Variants in NEK11 observed in about 807,000 individuals in gnomAD.
NEK11 encodes the protein serine/threonine-protein kinase Nek11.
NEK11 carries 72 observed loss-of-function variants against 80.7 expected under a neutral mutation model. The observed-to-expected ratio is 0.89, with a 90% CI of 0.74 to 1.08. NEK11 has a LOEUF of 1.08. NEK11 is among the 50% of genes least tolerant of loss of function. The probability of loss-of-function intolerance (pLI) is 0.00; values close to 1 mark genes in which losing one functional copy is unlikely to be tolerated. For missense variants in NEK11, 764 were observed against 763.6 expected, an observed-to-expected ratio of 1.00 and a Z score of -0.01; for synonymous variants, 251 against 260.7, an observed-to-expected ratio of 0.96 and a Z score of 0.36.
chr3:131,202,510 T>G (rs1201581899), intron 14 of NEK11, among the ~76,000 whole-genome samples: 3 of 152,076 alleles, frequency 2.0e-5, no homozygotes, highest in South Asian at 2.1e-4. Flanking sequence ...AAGATCAAAC[T>G]GCGAGGTGGC....
intron 5 of NEK11, among the ~76,000 whole-genome samples, chr3:131,117,329 G>T (rs1456349830): frequency 6.6e-6 from 1 of 152,150 alleles, no homozygotes. Context: ...TGTCCCATTG[G>T]TCTATATCTC....
At chr3:131,345,209 A>G (rs1456001509) in intron 17 of NEK11, among the ~76,000 whole-genome samples, 2 of 152,196 alleles carry the variant, frequency 1.3e-5, no homozygotes, top group African/African-American at 2.4e-5. Context: ...ATGTAAAACT[A>G]AAAAGATTCT....
Position 131,170,734 on chromosome 3 carries a change from C to A in NEK11, c.1285-39C>A, listed in dbSNP as rs1480644469. ...TCATTTGTGGTAGTGCTGTTTCCTTCTATCAGCATCTCATGAATTGTTAAT... is the reference window on the plus strand; with the variant it reads ...TCATTTGTGGTAGTGCTGTTTCCTTATATCAGCATCTCATGAATTGTTAAT... On this transcript the variant is annotated intron_variant, in intron 13 of 17. Coordinates refer to ENST00000383366, the MANE Select transcript of NEK11 (RefSeq NM_024800.5). The A allele has an allele frequency of 8.9e-6, 11 of 1,231,510 alleles. No homozygotes were observed. In the South Asian group the frequency reaches 1.2e-4, roughly 13 times the overall value. The allele number at this position is 1,231,510 out of a possible 1,614,324, so 76.3% of individuals were successfully genotyped here. A position where few individuals can be genotyped will look rare whatever the true frequency, so the allele number is the denominator to read the frequency against.
rs1051651317 is a variant in NEK11 at position 131,152,797 on chromosome 3, T to G, written c.876+88T>G. The G allele has an allele frequency of 6.2e-5, 59 of 946,866 alleles. No homozygotes were observed. The East Asian group carries it at 1.4e-3, about 23-fold the overall frequency. 58.7% of individuals were successfully genotyped at this position (946,866 alleles called of 1,614,324 possible). A position where few individuals can be genotyped will look rare whatever the true frequency, so the allele number is the denominator to read the frequency against. ...TTGAAGATATGCAGTGGGGATATGA[T>G]TCAGTAAGAATCAACCAGAAAGGAG... On this transcript the variant is annotated intron_variant, in intron 9 of 17. Coordinates refer to ENST00000383366, the MANE Select transcript of NEK11 (RefSeq NM_024800.5).
At chr3:131,165,929 A>T (rs907587479) in intron 12 of NEK11, among the ~76,000 whole-genome samples, 2 of 152,122 alleles carry the variant, frequency 1.3e-5, no homozygotes, top group Non-Finnish European at 2.9e-5. Flanking sequence ...TTTGTTTCCT[A>T]CCCATTTTGT....
intron 4 of NEK11, among the ~76,000 whole-genome samples, chr3:131,095,609 T>A (rs982539193): frequency 6.6e-6 from 1 of 152,178 alleles, no homozygotes; most frequent in Admixed American, 6.6e-5. Flanking sequence ...TCATATAATT[T>A]CTGGAAAACA....
chr3:131,258,122 G>A, intron 16 of NEK11, among the ~76,000 whole-genome samples: 1 of 150,130 alleles, frequency 6.7e-6, no homozygotes, highest in East Asian at 2.0e-4. Context: ...AAGCTGTGGG[G>A]ACACAAAGGC....
At chr3:131,088,104 A>G (rs1342121006) in intron 4 of NEK11, 1 of 152,266 alleles carries the variant, frequency 6.6e-6, no homozygotes, top group Non-Finnish European at 1.5e-5. Flanking sequence ...GGTGGGTCCC[A>G]TCGGGGCCCT....
chr3:131,071,031 G>C (rs1468228414), intron 3 of NEK11, among the ~76,000 whole-genome samples: 1 of 152,172 alleles, frequency 6.6e-6, no homozygotes, highest in East Asian at 1.9e-4. Flanking sequence ...AAGAAAATTT[G>C]GTAGCTTTGT....
chr3:131,056,628 C>T (rs986609679), intron 3 of NEK11, among the ~76,000 whole-genome samples: 2 of 149,426 alleles, frequency 1.3e-5, no homozygotes, highest in African/African-American at 2.5e-5. Flanking sequence ...GAGAGAAACA[C>T]ACAATGTTTG....
intron 3 of NEK11, among the ~76,000 whole-genome samples, chr3:131,077,842 A>G (rs1210193844): frequency 6.6e-6 from 1 of 152,204 alleles, no homozygotes; most frequent in Non-Finnish European, 1.5e-5. Flanking sequence ...GCCACTCCTA[A>G]TAACATTAGG....
chr3:131,191,818 A>G (rs2093809067), intron 14 of NEK11, among the ~76,000 whole-genome samples: 1 of 152,188 alleles, frequency 6.6e-6, no homozygotes, highest in African/African-American at 2.4e-5. Context: ...AAAAATTAAA[A>G]TTAAAATAGA....
chr3:131,329,001 G>A (rs938131185), intron 17 of NEK11: 1 of 152,212 alleles, frequency 6.6e-6, no homozygotes, highest in African/African-American at 2.4e-5. Flanking sequence ...TTTCACTCCA[G>A]ATGGCCTGGG....
intron 11 of NEK11, among the ~76,000 whole-genome samples, chr3:131,164,313 A>T (rs959782879): frequency 1.3e-5 from 2 of 152,320 alleles, no homozygotes; most frequent in African/African-American, 4.8e-5. Context: ...ACCATTTAAT[A>T]TTCAGTTGGG....
At chr3:131,250,884 C>G (rs1276588924) in intron 16 of NEK11, among the ~76,000 whole-genome samples, 1 of 151,932 alleles carries the variant, frequency 6.6e-6, no homozygotes, top group Non-Finnish European at 1.5e-5. Flanking sequence ...TTATGAACTC[C>G]TGGAAAAACA....
At chr3:131,228,923 CTTAT>C (rs747729771) in intron 15 of NEK11, among the ~76,000 whole-genome samples, 5 of 151,836 alleles carry the variant, frequency 3.3e-5, no homozygotes, top group Non-Finnish European at 7.4e-5. Flanking sequence ...GCATGCTGCA[CTTAT>C]TTGGGGGGTT....
At chr3:131,084,108 C>T (rs2075666604) in intron 4 of NEK11, among the ~76,000 whole-genome samples, 1 of 152,198 alleles carries the variant, frequency 6.6e-6, no homozygotes, top group Admixed American at 6.5e-5. Flanking sequence ...AACAAAGCCT[C>T]TCATAAACTC....
intron 16 of NEK11, among the ~76,000 whole-genome samples, chr3:131,272,532 G>T (rs1161726873): frequency 1.5e-5 from 2 of 132,766 alleles, no homozygotes; most frequent in African/African-American, 5.7e-5. Context: ...CTGGAGTGCC[G>T]TGGTGCGATC....
chr3:131,152,929 C>CA (rs1040211751), intron 9 of NEK11, among the ~76,000 whole-genome samples: 1 of 151,636 alleles, frequency 6.6e-6, no homozygotes, highest in African/African-American at 2.4e-5. Context: ...ACTAAAAGTA[C>CA]AAAAAAAATT....
Sources: allele counts gnomAD v4.1 joint callset (sites outside exome capture counted in the v4.1 genomes callset), GRCh38; gene constraint gnomAD v4.1.1; transcripts MANE v1.5; gene names NCBI Gene and HGNC (gene_info 2026-07-23, HGNC 2026-07-21).